The following VCL variants were observed in gnomAD, a reference collection of about 807,000 sequenced individuals.
VCL encodes the protein vinculin.
In VCL, 47 loss-of-function variants were observed where a neutral mutation model predicts 125.7. The observed-to-expected ratio is 0.37, with a 90% CI of 0.30 to 0.48. The LOEUF is 0.48. Among genes scored for constraint, VCL ranks in the 20% least tolerant of loss-of-function variants. The pLI is 0.99. For missense variants in VCL, 1,069 were observed against 1,455.5 expected, an observed-to-expected ratio of 0.73 and a Z score of 4.32; for synonymous variants, 458 against 514.6, an observed-to-expected ratio of 0.89 and a Z score of 1.49.
At chr10:74,053,129 G>T (rs1004242200) in intron 2 of VCL, among the ~76,000 whole-genome samples, 15 of 151,980 alleles carry the variant, frequency 9.9e-5, no homozygotes, top group Admixed American at 6.6e-4. Flanking sequence ...TTTGAAACAG[G>T]TTATGTAAGA....
intron 2 of VCL, among the ~76,000 whole-genome samples, chr10:74,069,447 C>G (rs2136271958): frequency 6.6e-6 from 1 of 152,312 alleles, no homozygotes; most frequent in South Asian, 2.1e-4. Flanking sequence ...CTACAGTGTC[C>G]ACAGCCCAGT....
chr10:74,059,427 C>T (rs10824064), intron 2 of VCL, among the ~76,000 whole-genome samples: 52,316 of 149,140 alleles, frequency 0.35, 10,776 homozygotes, highest in Non-Finnish European at 0.47. Flanking sequence ...TTTTTTGAGA[C>T]GGAGTCTCGC....
intron 1 of VCL, among the ~76,000 whole-genome samples, chr10:74,018,179 T>TATATATATATATATATATATAA (rs1840590959): frequency 8.2e-6 from 1 of 121,750 alleles, no homozygotes; most frequent in Admixed American, 8.3e-5. Flanking sequence ...ATATATAGGA[T>TATATATATATATATATATATAA]ATATATATAT....
intron 1 of VCL, among the ~76,000 whole-genome samples, chr10:74,035,904 T>C (rs550136901): frequency 6.6e-6 from 1 of 152,346 alleles, no homozygotes; most frequent in South Asian, 2.1e-4. Flanking sequence ...ATAACAACTA[T>C]GTACATAGCA....
At chr10:74,058,906 T>TGC (rs1230805179) in intron 2 of VCL, among the ~76,000 whole-genome samples, 2 of 152,012 alleles carry the variant, frequency 1.3e-5, no homozygotes, top group Admixed American at 1.3e-4. Flanking sequence ...TGTGTGTGTG[T>TGC]GCGTGTGCAC....
intron 1 of VCL, among the ~76,000 whole-genome samples, chr10:74,031,010 C>A (rs571431682): frequency 6.6e-6 from 1 of 152,188 alleles, no homozygotes; most frequent in African/African-American, 2.4e-5. Flanking sequence ...ATCACTGTTT[C>A]CTACATATGT....
chr10:74,105,302 TC>T lies in VCL; in HGVS notation c.2387del (p.Pro796ArgfsTer3), dbSNP rs1241654679. 1 of 1,613,070 alleles carries T rather than the reference TC, an allele frequency of 6.2e-7. No homozygotes were observed. The highest frequency in any genetic ancestry group is 1.3e-5 in the African/African-American group (1 of 74,832). On this transcript the variant is annotated frameshift_variant, in exon 16 of 22. Transcript: ENST00000211998. LOFTEE classifies it high-confidence loss of function. ...CTCTGATGAATTGAGCAAAACCATC[TC>T]CCCGATGGTGATGGATGCAAAAGCT... ...AASDELSKTI[S>X]PMVMDAKAVA...
chr10:74,099,182 G>GTTTA (rs1840013359), intron 13 of VCL, among the ~76,000 whole-genome samples: 1 of 152,022 alleles, frequency 6.6e-6, no homozygotes, highest in Non-Finnish European at 1.5e-5. Flanking sequence ...CCCTTCAGTG[G>GTTTA]GGCCTGTACT....
intron 21 of VCL, 100 bp from the exon 22 acceptor site, chr10:74,117,923 C>G: frequency 2.0e-6 from 3 of 1,506,662 alleles, no homozygotes; most frequent in Non-Finnish European, 1.8e-6. Flanking sequence ...ATGCCAGGTA[C>G]CAGTGGGGTT....
chr10:74,058,549 A>G (rs958366637), intron 2 of VCL, among the ~76,000 whole-genome samples: 1 of 151,932 alleles, frequency 6.6e-6, no homozygotes, highest in African/African-American at 2.4e-5. Context: ...TTTTATTAAA[A>G]CAGTGAATGT....
chr10:74,082,631 A>C, intron 7 of VCL, 87 bp downstream of exon 7: 91 of 1,357,334 alleles, frequency 6.7e-5, no homozygotes, highest in Middle Eastern at 3.6e-4. Context: ...CCATAATCTC[A>C]TCATCTGAGA....
At chr10:74,105,440 A>G (rs772782444) in intron 16 of VCL, 87 bp downstream of exon 16, 92 of 1,551,076 alleles carry the variant, frequency 5.9e-5, no homozygotes, top group Non-Finnish European at 7.7e-5. Flanking sequence ...CACAACCACC[A>G]CATACAAAGT....
chr10:74,062,060 T>G (rs1484869301), intron 2 of VCL, among the ~76,000 whole-genome samples: 1 of 151,150 alleles, frequency 6.6e-6, no homozygotes, highest in Non-Finnish European at 1.5e-5. Flanking sequence ...ACCATGCCAT[T>G]ACATTTTTTA....
intron 2 of VCL, among the ~76,000 whole-genome samples, chr10:74,057,453 T>A (rs576154259): frequency 2.9e-4 from 44 of 152,278 alleles, no homozygotes; most frequent in Non-Finnish European, 5.9e-4. Flanking sequence ...AGCAGTCATT[T>A]TCACTTAGAT....
chr10:74,024,193 C>A (rs150752962), intron 1 of VCL, among the ~76,000 whole-genome samples: 1 of 152,078 alleles, frequency 6.6e-6, no homozygotes, highest in Non-Finnish European at 1.5e-5. Context: ...TTGCTTGTAG[C>A]CTTAATTTAA....
At chr10:74,032,670 G>A (rs1474385029) in intron 1 of VCL, among the ~76,000 whole-genome samples, 1 of 148,872 alleles carries the variant, frequency 6.7e-6, no homozygotes, top group Non-Finnish European at 1.5e-5. Context: ...ACTGTACTCC[G>A]GCCTGGGTAA....
chr10:74,108,833 C>T, intron 17 of VCL, 138 bp from the exon 18 acceptor site: 1 of 904,512 alleles, frequency 1.1e-6, no homozygotes. Context: ...AGCAGGTGGT[C>T]CTTGTGGCTC....
intron 17 of VCL, 118 bp downstream of exon 17, chr10:74,107,472 G>C (rs1267615219): frequency 1.3e-6 from 2 of 1,513,012 alleles, no homozygotes; most frequent in Non-Finnish European, 1.8e-6. Flanking sequence ...GCTTTCATTT[G>C]AAGCTTAGTG....
intron 1 of VCL, among the ~76,000 whole-genome samples, chr10:74,015,222 G>A (rs1439626480): frequency 6.6e-6 from 1 of 152,152 alleles, no homozygotes; most frequent in Non-Finnish European, 1.5e-5. Context: ...AAATTAATTA[G>A]CATTTCTACT....
Sources: allele counts gnomAD v4.1 joint callset (sites outside exome capture counted in the v4.1 genomes callset), GRCh38; gene constraint gnomAD v4.1.1; transcripts MANE v1.5; gene names NCBI Gene and HGNC (gene_info 2026-07-23, HGNC 2026-07-21).